RORC: variants seen among roughly 807,000 people sequenced by gnomAD.
The protein encoded by RORC is RAR related orphan receptor C, also known as nuclear receptor ROR-gamma.
RORC carries 13 observed loss-of-function variants against 64.5 expected under a neutral mutation model. The ratio of observed to expected loss-of-function variants is 0.20; its 90% CI spans 0.13 to 0.32. The LOEUF is 0.32. RORC is among the 10% of genes least tolerant of loss of function. The probability of loss-of-function intolerance (pLI) is 1.00; values close to 1 mark genes in which losing one functional copy is unlikely to be tolerated. For synonymous variants in RORC, 277 were observed against 259.3 expected (o/e 1.07, Z -0.65); for missense variants, 468 against 669.5 (o/e 0.70, Z 3.32).
intron 4 of RORC, 24 bp from the exon 5 acceptor site, chr1:151,815,449 G>A: frequency 1.3e-6 from 2 of 1,516,264 alleles, no homozygotes; most frequent in Non-Finnish European, 1.8e-6. Context: ...AGGGACCAGG[G>A]GTTTATGAGG....
chr1:151,822,131 C>T (rs1652016531), intron 2 of RORC, among the ~76,000 whole-genome samples: 1 of 152,086 alleles, frequency 6.6e-6, no homozygotes, highest in Admixed American at 6.5e-5. Context: ...CTCCTCTCCC[C>T]ACAGCCAGAA....
intron 2 of RORC, among the ~76,000 whole-genome samples, chr1:151,827,269 G>A (rs951133209): frequency 2.0e-5 from 3 of 152,198 alleles, no homozygotes; most frequent in East Asian, 3.9e-4. Flanking sequence ...GACTGGCTTC[G>A]GATCCCACTT....
chr1:151,822,987 G>C (rs1212534092), intron 2 of RORC, among the ~76,000 whole-genome samples: 1 of 152,170 alleles, frequency 6.6e-6, no homozygotes, highest in Admixed American at 6.5e-5. Context: ...AGGGGATGGG[G>C]AGGAGCCCTT....
chr1:151,814,169 T>C (rs1442559019), intron 6 of RORC: 2 of 180,126 alleles, frequency 1.1e-5, no homozygotes, highest in African/African-American at 4.7e-5. Flanking sequence ...CCCTCATAGG[T>C]TGGTTGTGGT....
intron 9 of RORC, chr1:151,812,505 T>C (rs1651575978): frequency 6.3e-6 from 1 of 158,608 alleles, no homozygotes; most frequent in East Asian, 1.8e-4. Context: ...CAACTTACCA[T>C]ATTTTCAACT....
At chr1:151,823,115 G>A (rs1652057079) in intron 2 of RORC, among the ~76,000 whole-genome samples, 1 of 152,204 alleles carries the variant, frequency 6.6e-6, no homozygotes, top group Non-Finnish European at 1.5e-5. Context: ...AAAGAGAAGG[G>A]TGCTGGAGTG....
chr1:151,807,721 A>T lies in RORC; in HGVS notation c.1396-88T>A. 7.0e-7 allele frequency: 1 copy of T among 1,421,890 alleles called. No homozygotes were observed. The highest frequency in any genetic ancestry group is 9.6e-7 in the Non-Finnish European group (1 of 1,036,300). 88.1% of individuals were successfully genotyped at this position (1,421,890 alleles called of 1,614,324 possible). ...CCGCTCATTCTTCCTGGGCTAGGAC[A>T]AACCCTCCTTGCCTTCCCCTTATGT... On this transcript the variant is annotated intron_variant, in intron 10 of 10. Coordinates refer to ENST00000318247, the MANE Select transcript of RORC (RefSeq NM_005060.4). This position sits in a 1 kb window ranked among gnomAD's most constrained non-coding sequence, Gnocchi z 5.0.
intron 2 of RORC, among the ~76,000 whole-genome samples, chr1:151,820,365 G>A (rs1226046373): frequency 6.6e-6 from 1 of 152,114 alleles, no homozygotes; most frequent in Non-Finnish European, 1.5e-5. Context: ...AGCAGCAGGT[G>A]GTGGGAACTC....
rs904284745 is a variant in RORC, at chr1:151,824,966, G to A, written c.70+4463C>T. Among the ~76,000 whole-genome samples, 6 of 152,308 alleles carry A rather than the reference G, an allele frequency of 3.9e-5. No homozygotes were observed. In the East Asian group the frequency reaches 7.7e-4, roughly 20 times the overall value. On this transcript the variant is annotated intron_variant, in intron 2 of 10. Transcript: ENST00000318247. Reference sequence around the variant, plus strand: ...AAGACCCCAGGTTGAAGCTGGGGCTGCTTCAGGCCTCAGCCACAGGGGCAT... The same window carrying A: ...AAGACCCCAGGTTGAAGCTGGGGCTACTTCAGGCCTCAGCCACAGGGGCAT...
Position 151,815,303 on chromosome 1 carries a change from C to A in RORC, c.421G>T (p.Ala141Ser), listed in dbSNP as rs779171789. The A allele has an allele frequency of 6.2e-7, 1 of 1,608,720 alleles. No homozygotes were observed. Among genetic ancestry groups the A allele is most frequent in the African/African-American group, 1.3e-5 (1 of 74,844 alleles). Residue 141 changes from alanine (A) to serine (S), a missense_variant, in exon 5 of 11, where the codon GCC (alanine) becomes TCC (serine). Ala to Ser is a moderately conservative substitution (Grantham distance 99). This residue lies in a region of RORC where 241 missense variants were observed against 295.5 expected (regional missense o/e 0.82). Transcript: ENST00000318247. ...EPVVKTPPAG[A>S]QGADTLTYTL... ...TAGGTGAGGGTATCTGCTCCTTGGG[C>A]CCCTGCTGGAGGGGTCTTGACCACT... is the stretch of plus-strand genomic sequence containing the variant.
Position 151,816,859 on chromosome 1 carries a change from C to T in RORC, c.157-54G>A. ...GCTTATCCTGGTCAGGCCCAGCTCA[C>T]TCACAAAGGCCTCCAGCCCACAAGC... On this transcript the variant is annotated intron_variant, in intron 3 of 10. Coordinates refer to ENST00000318247, the MANE Select transcript of RORC (RefSeq NM_005060.4). 4 of 1,451,382 alleles carry T rather than the reference C, an allele frequency of 2.8e-6. No homozygotes were observed. In the South Asian group the frequency reaches 6.0e-5, roughly 22 times the overall value. The allele number at this position is 1,451,382 out of a possible 1,614,324, so 89.9% of individuals were successfully genotyped here.
chr1:151,811,476 A>G (rs753686547), intron 9 of RORC, 42 bp from the exon 10 acceptor site: 4 of 1,258,094 alleles, frequency 3.2e-6, no homozygotes, highest in African/African-American at 1.5e-5. Flanking sequence ...AAGAAAGAAC[A>G]TGGACATTAA....
Position 151,830,955 on chromosome 1 carries a change from G to A in RORC, c.40+770C>T, listed in dbSNP as rs1456349314. On this transcript the variant is annotated intron_variant, in intron 1 of 10. Coordinates refer to ENST00000318247, the MANE Select transcript of RORC (RefSeq NM_005060.4). This position sits in a 1 kb window ranked among gnomAD's most constrained non-coding sequence, Gnocchi z 4.0. The stretch of plus-strand genomic sequence containing the variant: ...AGGCAGCCAGTTCTTCCTCCACCAG[G>A]TGGCCCTGGAGCTTGGTGGCTCTGG... 2.3e-6 allele frequency: 3 copies of A among 1,289,210 alleles called. No individual in the cohort carries two copies. Among genetic ancestry groups the A allele is most frequent in the Admixed American group, 2.3e-5 (1 of 43,552 alleles). The allele number at this position is 1,289,210 out of a possible 1,614,324, so 79.9% of individuals were successfully genotyped here.
intron 2 of RORC, among the ~76,000 whole-genome samples, chr1:151,818,287 T>C (rs1415960521): frequency 6.6e-6 from 1 of 152,186 alleles, no homozygotes; most frequent in Non-Finnish European, 1.5e-5. Flanking sequence ...AAGAAAAGTA[T>C]GTGTCATTTG....
chr1:151,826,535 TG>T (rs1246817227), intron 2 of RORC, among the ~76,000 whole-genome samples: 3 of 152,162 alleles, frequency 2.0e-5, no homozygotes, highest in Admixed American at 2.0e-4. Context: ...TGGTGCAGCC[TG>T]GGGGGCTGTC....
chr1:151,810,250 T>G (rs1184786591), intron 10 of RORC, among the ~76,000 whole-genome samples: 2 of 152,072 alleles, frequency 1.3e-5, no homozygotes, highest in Non-Finnish European at 2.9e-5. Flanking sequence ...TTTGCTCCTA[T>G]TGTTCCCTAA....
rs933354625 is a variant in RORC at position 151,830,102 on chromosome 1, G to A, written c.41-644C>T. Among the ~76,000 whole-genome samples the A allele has an allele frequency of 6.6e-6, 1 of 152,196 alleles. No individual in the cohort carries two copies. The highest frequency in any genetic ancestry group is 2.1e-4 in the South Asian group (1 of 4,824). On this transcript the variant is annotated intron_variant, in intron 1 of 10. Transcript: ENST00000318247. This position sits in a 1 kb window ranked among gnomAD's most constrained non-coding sequence, Gnocchi z 4.0. ...ACACCAGGGCTTCAGAGATGTGGGG[G>A]TTGGGAGTAGGGGGAGAGGATGTTT...
chr1:151,816,217 C>G (rs959754276), intron 4 of RORC, among the ~76,000 whole-genome samples: 1 of 152,170 alleles, frequency 6.6e-6, no homozygotes, highest in Non-Finnish European at 1.5e-5. Context: ...CCACGACCAC[C>G]CTCTGGTTGT....
chr1:151,829,379 T>C, intron 2 of RORC, 50 bp downstream of exon 2: 1 of 1,505,276 alleles, frequency 6.6e-7, no homozygotes, highest in Non-Finnish European at 8.9e-7. Flanking sequence ...TGAATTATTC[T>C]CCATCTCATT....
Sources: allele counts gnomAD v4.1 joint callset (sites outside exome capture counted in the v4.1 genomes callset), GRCh38; gene constraint gnomAD v4.1.1; regional missense constraint gnomAD v4.1.1; non-coding constraint Gnocchi (gnomAD v3.1); transcripts MANE v1.5; gene names NCBI Gene and HGNC (gene_info 2026-07-23, HGNC 2026-07-21).